Variants in PTPRD observed in about 807,000 individuals in gnomAD.
PTPRD encodes the protein protein tyrosine phosphatase receptor type D.
In PTPRD, 34 loss-of-function variants were observed where a neutral mutation model predicts 214.5. The ratio of observed to expected loss-of-function variants is 0.16; its 90% confidence interval spans 0.12 to 0.21. The LOEUF (loss-of-function observed/expected upper bound fraction) is 0.21. Ranked by LOEUF, PTPRD falls within the 10% of genes least tolerant of loss-of-function variation. The probability of loss-of-function intolerance (pLI) is 1.00; values close to 1 mark genes in which losing one functional copy is unlikely to be tolerated. For synonymous variants in PTPRD, 1,128 were observed against 845.7 expected, an observed-to-expected ratio of 1.33 and a Z score of -5.79; for missense variants, 2,545 against 2,398.7, an observed-to-expected ratio of 1.06 and a Z score of -1.27.
chr9:9,932,964 A>T (rs2087361642), intron 5 of PTPRD, among the ~76,000 whole-genome samples: 1 of 149,714 alleles, frequency 6.7e-6, no homozygotes, highest in African/African-American at 2.5e-5. Flanking sequence ...AGAATTTCAT[A>T]TCCAGCCAAA....
chr9:9,190,554 TACA>T (rs1472110597), intron 9 of PTPRD, among the ~76,000 whole-genome samples: 1 of 152,022 alleles, frequency 6.6e-6, no homozygotes, highest in Non-Finnish European at 1.5e-5. Context: ...AATGGACTAA[TACA>T]ACGAGTTAGC....
At chr9:8,759,669 G>A (rs1010268137) in intron 11 of PTPRD, among the ~76,000 whole-genome samples, 1 of 123,458 alleles carries the variant, frequency 8.1e-6, no homozygotes, top group African/African-American at 3.5e-5. Context: ...ATTTCACTAT[G>A]TTTTCTTTTC....
At chr9:10,212,895 T>C (rs1434069050) in intron 3 of PTPRD, among the ~76,000 whole-genome samples, 1 of 152,194 alleles carries the variant, frequency 6.6e-6, no homozygotes, top group African/African-American at 2.4e-5. Context: ...TTCCGGCAGA[T>C]GTGCATGACA....
chr9:9,165,853 A>G (rs981477526), intron 10 of PTPRD, among the ~76,000 whole-genome samples: 5 of 152,220 alleles, frequency 3.3e-5, no homozygotes, highest in African/African-American at 9.6e-5. Flanking sequence ...AAAGACATAG[A>G]TATAGCAACA....
intron 35 of PTPRD, among the ~76,000 whole-genome samples, chr9:8,421,467 G>C (rs2094360656): frequency 6.6e-6 from 1 of 151,618 alleles, no homozygotes; most frequent in African/African-American, 2.4e-5. Flanking sequence ...CCTGATAAAC[G>C]AGACACCATG....
intron 8 of PTPRD, among the ~76,000 whole-genome samples, chr9:9,492,342 A>AAAC (rs1279059553): frequency 6.9e-6 from 1 of 145,350 alleles, no homozygotes; most frequent in South Asian, 2.2e-4. Context: ...AAAAAAAAAA[A>AAAC]CTAACATAAA....
intron 2 of PTPRD, among the ~76,000 whole-genome samples, chr9:10,408,339 G>C (rs1481188176): frequency 6.6e-6 from 1 of 151,456 alleles, no homozygotes; most frequent in East Asian, 2.0e-4. Flanking sequence ...TTTGGAGTTA[G>C]CCTGCTATGT....
At chr9:10,172,957 G>A (rs1487845740) in intron 3 of PTPRD, among the ~76,000 whole-genome samples, 1 of 152,120 alleles carries the variant, frequency 6.6e-6, no homozygotes, top group Non-Finnish European at 1.5e-5. Flanking sequence ...ATAGTGAAAA[G>A]GACAAGGTTC....
At chr9:8,847,780 C>A (rs1237219193) in intron 11 of PTPRD, among the ~76,000 whole-genome samples, 2 of 152,196 alleles carry the variant, frequency 1.3e-5, no homozygotes, top group East Asian at 3.9e-4. Context: ...AAATCATCCA[C>A]CCTTATTGAT....
At chr9:10,436,775 T>C (rs1019111984) in intron 2 of PTPRD, among the ~76,000 whole-genome samples, 10 of 151,698 alleles carry the variant, frequency 6.6e-5, no homozygotes, top group African/African-American at 2.2e-4. Flanking sequence ...TACTGACAGG[T>C]TTTCTGTCCA....
chr9:9,081,300 C>T (rs974164138), intron 10 of PTPRD, among the ~76,000 whole-genome samples: 6 of 151,940 alleles, frequency 3.9e-5, no homozygotes, highest in South Asian at 2.1e-4. Context: ...TGTAGTTGTT[C>T]GATTTTGAGT....
At chr9:10,118,760 C>G (rs188561031) in intron 3 of PTPRD, among the ~76,000 whole-genome samples, 265 of 151,412 alleles carry the variant, frequency 1.8e-3, no homozygotes, top group Middle Eastern at 3.4e-3. Context: ...ACATTTTAAT[C>G]CAATCACAAC....
chr9:10,449,579 C>T (rs912198837), intron 2 of PTPRD, among the ~76,000 whole-genome samples: 5 of 151,618 alleles, frequency 3.3e-5, no homozygotes, highest in Middle Eastern at 3.4e-3. Flanking sequence ...GCCGCCATCC[C>T]GTCTAAGTGA....
At chr9:9,225,351 C>T (rs1238584015) in intron 9 of PTPRD, among the ~76,000 whole-genome samples, 1 of 152,010 alleles carries the variant, frequency 6.6e-6, no homozygotes, top group Non-Finnish European at 1.5e-5. Flanking sequence ...ACACACTGAA[C>T]AAGCCTTAAC....
intron 2 of PTPRD, among the ~76,000 whole-genome samples, chr9:10,393,345 A>G (rs1218872983): frequency 6.6e-6 from 1 of 151,686 alleles, no homozygotes; most frequent in East Asian, 1.9e-4. Context: ...AGAGAGCAGA[A>G]GCTATGTATG....
At chr9:8,385,865 T>G (rs1196666312) in intron 37 of PTPRD, among the ~76,000 whole-genome samples, 1 of 152,122 alleles carries the variant, frequency 6.6e-6, no homozygotes, top group Non-Finnish European at 1.5e-5. Flanking sequence ...TTGAATAAAA[T>G]GCATGGGTGT....
chr9:9,120,832 CTAAGTCTAAACGT>C (rs2099816909), intron 10 of PTPRD, among the ~76,000 whole-genome samples: 1 of 152,160 alleles, frequency 6.6e-6, no homozygotes. Context: ...ATTGTGACAG[CTAAGTCTAAACGT>C]TTCCAAGGGT....
chr9:9,070,835 T>C (rs1466582585), intron 10 of PTPRD, among the ~76,000 whole-genome samples: 1 of 152,206 alleles, frequency 6.6e-6, no homozygotes, highest in Non-Finnish European at 1.5e-5. Flanking sequence ...AAGTAACTAA[T>C]AAGTGGCAGT....
At chr9:10,031,647 T>TATATATATATATATATATACACACACAC in intron 4 of PTPRD, among the ~76,000 whole-genome samples, 63 of 89,560 alleles carry the variant, frequency 7.0e-4, no homozygotes, top group South Asian at 1.0e-3. Flanking sequence ...TATATATATA[T>TATATATATATATATATATACACACACAC]ACACACACAC....
Sources: allele counts gnomAD v4.1 joint callset (sites outside exome capture counted in the v4.1 genomes callset), GRCh38; gene constraint gnomAD v4.1.1; transcripts MANE v1.5; gene names NCBI Gene and HGNC (gene_info 2026-07-23, HGNC 2026-07-21).